Variants in PCDH7 observed in about 807,000 individuals in gnomAD.
PCDH7 encodes protocadherin-7.
Under a neutral mutation model 58.9 loss-of-function variants are expected in PCDH7, and 17 were observed. The observed-to-expected ratio is 0.29, with a 90% CI of 0.20 to 0.43. PCDH7 has a LOEUF of 0.43. PCDH7 is among the 20% of genes least tolerant of loss of function. The pLI is 1.00. For synonymous variants in PCDH7, 664 were observed against 616.4 expected (o/e 1.08, Z -1.14); for missense variants, 1,274 against 1,441.0 (o/e 0.88, Z 1.88).
chr4:30,736,796 A>G (rs936971657), downstream of PCDH7, among the ~76,000 whole-genome samples: 6 of 152,018 alleles, frequency 3.9e-5, no homozygotes, highest in Admixed American at 3.9e-4. Flanking sequence ...TCGGCCTCCC[A>G]AAGTGCTGGG....
chr4:30,888,151 G>C (rs1235781512), intron 1 of PCDH7, among the ~76,000 whole-genome samples: 1 of 152,072 alleles, frequency 6.6e-6, no homozygotes, highest in African/African-American at 2.4e-5. Context: ...TAGGATTACA[G>C]GCGTGAGCCA....
intron 1 of PCDH7, among the ~76,000 whole-genome samples, chr4:30,791,427 T>C (rs1462227380): frequency 6.6e-6 from 1 of 152,200 alleles, no homozygotes; most frequent in Non-Finnish European, 1.5e-5. Context: ...AGCCTATGTG[T>C]GGCCGGTATA....
intron 1 of PCDH7, among the ~76,000 whole-genome samples, chr4:30,824,127 C>CTTTCTTTCTTTCTTTT: frequency 6.9e-6 from 1 of 144,240 alleles, no homozygotes; most frequent in African/African-American, 2.6e-5. Context: ...TTCTTTCTTT[C>CTTTCTTTCTTTCTTTT]TTTCTTTCTT....
intron 1 of PCDH7, among the ~76,000 whole-genome samples, chr4:30,896,790 G>A (rs918108231): frequency 6.8e-6 from 1 of 146,930 alleles, no homozygotes; most frequent in African/African-American, 2.5e-5. Flanking sequence ...CAAATTATTT[G>A]CAATTTGCAC....
chr4:30,849,727 G>A (rs545422958), intron 1 of PCDH7, among the ~76,000 whole-genome samples: 3 of 151,946 alleles, frequency 2.0e-5, no homozygotes, highest in Non-Finnish European at 4.4e-5. Context: ...TAAGACCCTC[G>A]CATTGTCCTC....
intron 3 of PCDH7, among the ~76,000 whole-genome samples, chr4:30,988,488 TC>T (rs1258915016): frequency 6.6e-6 from 1 of 152,218 alleles, no homozygotes; most frequent in Admixed American, 6.5e-5. Context: ...TTCCATTTTT[TC>T]TAATATTCAT....
chr4:30,723,275 T>A lies in PCDH7; in HGVS notation c.1853T>A (p.Val618Glu), dbSNP rs774453716. Residue 618 changes from valine (V) to glutamate (E), a missense_variant, in exon 1 of 2, where the codon GTG becomes GAG. Around this residue, in one of 3 missense-constraint regions of PCDH7, gnomAD observed 731 missense variants for 881.9 expected, o/e 0.83. Transcript: ENST00000361762. This position sits in a 1 kb window ranked among gnomAD's most constrained non-coding sequence, Gnocchi z 4.6. ...AACGCCAAAGACAAAGGCATCCCCG[T>A]GCTGCAGGGCAGCACTACGGTGATT... 6.2e-7 allele frequency: 1 copy of A among 1,614,198 alleles called. No homozygotes were observed. The highest frequency in any genetic ancestry group is 8.5e-7 in the Non-Finnish European group (1 of 1,180,032).
intron 1 of PCDH7, among the ~76,000 whole-genome samples, chr4:30,741,097 T>A (rs1172563567): frequency 6.6e-6 from 1 of 152,164 alleles, no homozygotes; most frequent in South Asian, 2.1e-4. Flanking sequence ...AACTTTGATA[T>A]CGGTTATATA....
intron 1 of PCDH7, among the ~76,000 whole-genome samples, chr4:30,796,046 A>T (rs967227273): frequency 4.6e-5 from 7 of 152,152 alleles, no homozygotes; most frequent in African/African-American, 1.7e-4. Context: ...AATATTTGGA[A>T]TTATATTGAT....
At chr4:30,930,667 A>G (rs1156524152) in intron 2 of PCDH7, among the ~76,000 whole-genome samples, 1 of 152,130 alleles carries the variant, frequency 6.6e-6, no homozygotes, top group Admixed American at 6.6e-5. Context: ...CAAGGTGGCT[A>G]ATGCCTGTAA....
At chr4:31,088,944 T>A (rs1195582888) in intron 3 of PCDH7, among the ~76,000 whole-genome samples, 1 of 152,126 alleles carries the variant, frequency 6.6e-6, no homozygotes, top group East Asian at 1.9e-4. Context: ...CAGTATATCA[T>A]GTGTAACACC....
At chr4:31,004,555 C>A (rs935680652) in intron 3 of PCDH7, among the ~76,000 whole-genome samples, 3 of 151,946 alleles carry the variant, frequency 2.0e-5, no homozygotes, top group African/African-American at 7.3e-5. Context: ...ACAAAAAATA[C>A]AAAAATTAGC....
At chr4:31,075,091 T>C (rs1347597505) in intron 3 of PCDH7, among the ~76,000 whole-genome samples, 1 of 152,158 alleles carries the variant, frequency 6.6e-6, no homozygotes, top group Admixed American at 6.6e-5. Context: ...GAGACAAATG[T>C]AGATAAAAGT....
intron 1 of PCDH7, among the ~76,000 whole-genome samples, chr4:30,875,396 G>A (rs192955506): frequency 1.9e-4 from 29 of 152,080 alleles, no homozygotes; most frequent in Admixed American, 3.9e-4. Flanking sequence ...GAGGTAGTAG[G>A]GGTTAAGACT....
At chr4:30,806,575 A>T (rs1033141257) in intron 1 of PCDH7, among the ~76,000 whole-genome samples, 1 of 151,750 alleles carries the variant, frequency 6.6e-6, no homozygotes, top group African/African-American at 2.4e-5. Flanking sequence ...AAGTGCTGGA[A>T]TTACAGGCGT....
At chr4:31,105,152 A>G (rs1228506980) in intron 3 of PCDH7, among the ~76,000 whole-genome samples, 1 of 152,230 alleles carries the variant, frequency 6.6e-6, no homozygotes, top group Non-Finnish European at 1.5e-5. Context: ...TGATGTGTTC[A>G]TTCTCACTGA....
chr4:30,766,593 G>A (rs1476214384), intron 1 of PCDH7, among the ~76,000 whole-genome samples: 1 of 151,374 alleles, frequency 6.6e-6, no homozygotes, highest in Non-Finnish European at 1.5e-5. Flanking sequence ...GTATTTATAG[G>A]CATCATATAA....
intron 3 of PCDH7, among the ~76,000 whole-genome samples, chr4:31,121,622 G>A (rs1335721355): frequency 6.6e-6 from 1 of 152,022 alleles, no homozygotes; most frequent in Non-Finnish European, 1.5e-5. Context: ...TGTAGTTCTT[G>A]TTAGCTTTCT....
intron 2 of PCDH7, among the ~76,000 whole-genome samples, chr4:30,925,072 C>T (rs1411045160): frequency 2.6e-5 from 4 of 152,108 alleles, no homozygotes; most frequent in Non-Finnish European, 5.9e-5. Context: ...AACTTCCTTA[C>T]TTTGTCACAC....
Sources: gnomAD v4.1 joint callset for allele counts (sites outside exome capture counted in the v4.1 genomes callset) on GRCh38, gnomAD v4.1.1 for gene constraint, gnomAD v4.1.1 regional missense constraint, Gnocchi (gnomAD v3.1) non-coding constraint, MANE v1.5 for transcripts, NCBI Gene and HGNC (gene_info 2026-07-23, HGNC 2026-07-21) for gene names.